The following BRIP1 variants were observed in gnomAD, a reference collection of about 807,000 sequenced individuals.
BRIP1 encodes Fanconi anemia group J protein.
BRIP1 carries 88 observed loss-of-function variants against 119.7 expected under a neutral mutation model. The ratio of observed to expected loss-of-function variants is 0.74; its 90% CI spans 0.62 to 0.88. The LOEUF (loss-of-function observed/expected upper bound fraction) is 0.88, where lower values mean the gene tolerates loss of function less well. Ranked by LOEUF, BRIP1 falls within the 40% of genes least tolerant of loss-of-function variation. The probability of loss-of-function intolerance (pLI) is 0.00; values close to 1 mark genes in which losing one functional copy is unlikely to be tolerated. For missense variants in BRIP1, 1,259 were observed against 1,455.4 expected, an observed-to-expected ratio of 0.87 and a Z score of 2.20; for synonymous variants, 443 against 496.5, an observed-to-expected ratio of 0.89 and a Z score of 1.43.
chr17:61,766,151 T>C (rs1018428523), intron 14 of BRIP1, among the ~76,000 whole-genome samples: 27 of 152,316 alleles, frequency 1.8e-4, no homozygotes, highest in African/African-American at 6.5e-4. Context: ...ATTACGAGGA[T>C]AGCATTGAAC....
Position 61,685,984 on chromosome 17 carries a change from T to TG in BRIP1, c.2756dup (p.Pro920ThrfsTer19), listed in dbSNP as rs1603276728. 1 of 1,614,054 alleles carries TG rather than the reference T, an allele frequency of 6.2e-7. No homozygotes were observed. The highest frequency in any genetic ancestry group is 8.5e-7 in the Non-Finnish European group (1 of 1,179,950). The stretch of plus-strand genomic sequence containing the variant: ...GACTTGCTGCTTCCAGTAAATAAGG[T>TG]GAGGTACTGTACTTTAAAGAGGTCA... On this transcript the variant is annotated frameshift_variant, in exon 19 of 20. Transcript: ENST00000259008. LOFTEE classifies it high-confidence loss of function.
chr17:61,790,483 T>C (rs950551579), intron 10 of BRIP1, among the ~76,000 whole-genome samples: 1 of 151,776 alleles, frequency 6.6e-6, no homozygotes, highest in Non-Finnish European at 1.5e-5. Flanking sequence ...GAGGCAGAGG[T>C]TGCGGTGAGC....
intron 16 of BRIP1, among the ~76,000 whole-genome samples, chr17:61,737,025 C>A (rs529604531): frequency 1.2e-4 from 18 of 151,912 alleles, no homozygotes; most frequent in African/African-American, 4.3e-4. Context: ...AAGGGAGGAA[C>A]AGAGATTCAG....
rs2076958930 is a variant in BRIP1, at chr17:61,739,418, A to C, written c.2379+3595T>G. 5.4e-6 allele frequency: 1 copy of C among 185,306 alleles called. No homozygotes were observed. Among genetic ancestry groups the C allele is most frequent in the Non-Finnish European group, 1.1e-5 (1 of 87,420 alleles). The allele number at this position is 185,306 out of a possible 1,614,324, so 11.5% of individuals were successfully genotyped here. ...AGCAGTAGCACTGGTTAACTGGAGAAAGGTAGTAGAAACCACCAAAGTTAC... is the reference window on the plus strand; with the variant it reads ...AGCAGTAGCACTGGTTAACTGGAGACAGGTAGTAGAAACCACCAAAGTTAC... On this transcript the variant is annotated intron_variant, in intron 16 of 19. Coordinates refer to ENST00000259008, the MANE Select transcript of BRIP1 (RefSeq NM_032043.3). The surrounding 1 kb of genome is among the most constrained non-coding windows in gnomAD (Gnocchi z 6.0).
rs1313728572 is a variant in BRIP1, at chr17:61,708,197, T to C, written c.2492+7754A>G. On this transcript the variant is annotated intron_variant, in intron 17 of 19. Coordinates refer to ENST00000259008, the MANE Select transcript of BRIP1 (RefSeq NM_032043.3). This position sits in a 1 kb window ranked among gnomAD's most constrained non-coding sequence, Gnocchi z 4.4. The stretch of plus-strand genomic sequence containing the variant: ...TCCCCCACAGCCACAATCTTGCCTA[T>C]GGTCAAAGTTACTCACGGTCAAATG... 2.6e-5 allele frequency among the ~76,000 whole-genome samples: 4 copies of C among 152,210 alleles called. No individual in the cohort carries two copies. The highest frequency in any genetic ancestry group is 9.6e-5 in the African/African-American group (4 of 41,458).
At position 61,843,551 on chromosome 17, in the gene BRIP1, A is replaced by G. The variant is rs995621353; in HGVS notation, c.627+3550T>C. On this transcript the variant is annotated intron_variant, in intron 6 of 19. Coordinates refer to ENST00000259008, the MANE Select transcript of BRIP1 (RefSeq NM_032043.3). The surrounding 1 kb of genome is among the most constrained non-coding windows in gnomAD (Gnocchi z 5.7). ...CAATGGCTGGTGCCCTCCTCACAGTAATGAGTTGAGTTCTTGCTCTGAGGT... is the reference window on the plus strand; with the variant it reads ...CAATGGCTGGTGCCCTCCTCACAGTGATGAGTTGAGTTCTTGCTCTGAGGT... Among the ~76,000 whole-genome samples the G allele has an allele frequency of 1.1e-4, 16 of 152,024 alleles. No individual in the cohort carries two copies. The highest frequency in any genetic ancestry group is 1.6e-4 in the Non-Finnish European group (11 of 67,990).
rs956887689 is a variant in BRIP1, at chr17:61,794,439, G to C, written c.1341-710C>G. ...TCATATCCTTAGCAAACTAATGCAGGAACAGAAAATACTGCATGTTCTCAC... is the reference window on the plus strand; with the variant it reads ...TCATATCCTTAGCAAACTAATGCAGCAACAGAAAATACTGCATGTTCTCAC... On this transcript the variant is annotated intron_variant, in intron 9 of 19. Coordinates refer to ENST00000259008, the MANE Select transcript of BRIP1 (RefSeq NM_032043.3). The surrounding 1 kb of genome is among the most constrained non-coding windows in gnomAD (Gnocchi z 4.3). Among the ~76,000 whole-genome samples, 6 of 152,020 alleles carry C rather than the reference G, an allele frequency of 3.9e-5. No individual in the cohort carries two copies. Among genetic ancestry groups the C allele is most frequent in the Non-Finnish European group, 1.5e-5 (1 of 67,976 alleles).
At position 61,776,798 on chromosome 17, in the gene BRIP1, G is replaced by A. The variant is rs1324623364; in HGVS notation, c.1936-236C>T. Among the ~76,000 whole-genome samples the A allele has an allele frequency of 6.6e-6, 1 of 152,178 alleles. No individual in the cohort carries two copies. The highest frequency in any genetic ancestry group is 1.5e-5 in the Non-Finnish European group (1 of 68,026). ...TGAAAATTCTTTGAAAGCAAAACAG[G>A]TTGTACCTGTCTCTGTTTACTTAAT... is the stretch of plus-strand genomic sequence containing the variant. On this transcript the variant is annotated intron_variant, in intron 13 of 19. Coordinates refer to ENST00000259008, the MANE Select transcript of BRIP1 (RefSeq NM_032043.3). This position sits in a 1 kb window ranked among gnomAD's most constrained non-coding sequence, Gnocchi z 5.0.
rs1302307852 is a variant in BRIP1, at chr17:61,862,481, C to A, written c.-31+803G>T. ...AATGTACCTAACCCAGGATCTGATACAGATGAGGATCACTTTAATCCTCAC... is the reference window on the plus strand; with the variant it reads ...AATGTACCTAACCCAGGATCTGATAAAGATGAGGATCACTTTAATCCTCAC... On this transcript the variant is annotated intron_variant, in intron 1 of 19. Transcript: ENST00000259008. This position sits in a 1 kb window ranked among gnomAD's most constrained non-coding sequence, Gnocchi z 5.3. Among the ~76,000 whole-genome samples, 8 of 152,188 alleles carry A rather than the reference C, an allele frequency of 5.3e-5. No individual in the cohort carries two copies. Among genetic ancestry groups the A allele is most frequent in the African/African-American group, 1.9e-4 (8 of 41,448 alleles).
rs2061263633 is a variant in BRIP1 at position 61,681,083 on chromosome 17, A to G, written c.*2213T>C. Among the ~76,000 whole-genome samples the G allele has an allele frequency of 6.6e-6, 1 of 152,138 alleles. No individual in the cohort carries two copies. Among genetic ancestry groups the G allele is most frequent in the African/African-American group, 2.4e-5 (1 of 41,442 alleles). The stretch of plus-strand genomic sequence containing the variant: ...GCTCCTTATAAAATCATCAGGTCTC[A>G]TAAGAACTCAGTATCACGAGAACCG... On this transcript the variant is annotated 3_prime_UTR_variant, in exon 20 of 20. Coordinates refer to ENST00000259008, the MANE Select transcript of BRIP1 (RefSeq NM_032043.3). This position sits in a 1 kb window ranked among gnomAD's most constrained non-coding sequence, Gnocchi z 5.1.
At position 61,740,233 on chromosome 17, in the gene BRIP1, A is replaced by G. The variant is rs897190570; in HGVS notation, c.2379+2780T>C. Among the ~76,000 whole-genome samples, 9 of 152,150 alleles carry G rather than the reference A, an allele frequency of 5.9e-5. No homozygotes were observed. The highest frequency in any genetic ancestry group is 1.2e-4 in the Non-Finnish European group (8 of 68,036). ...AATCACAAGATCTGCAAGGCAGGAC[A>G]CTGGAAAGAAGCGAGCCAGATGGAC... On this transcript the variant is annotated intron_variant, in intron 16 of 19. Coordinates refer to ENST00000259008, the MANE Select transcript of BRIP1 (RefSeq NM_032043.3). This position sits in a 1 kb window ranked among gnomAD's most constrained non-coding sequence, Gnocchi z 5.4.
chr17:61,819,952 A>G (rs757173259), intron 6 of BRIP1, among the ~76,000 whole-genome samples: 32 of 152,132 alleles, frequency 2.1e-4, no homozygotes, highest in Middle Eastern at 6.8e-3. Flanking sequence ...TAATATGATT[A>G]TTACACATTG....
rs914665549 is a variant in BRIP1, at chr17:61,756,532, A to G, written c.2098-11941T>C. On this transcript the variant is annotated intron_variant, in intron 14 of 19. Transcript: ENST00000259008. The surrounding 1 kb of genome is among the most constrained non-coding windows in gnomAD (Gnocchi z 4.3). ...CTTCAATTTGTTAACCTCAGAGGCA[A>G]TTTTTTTTAAAGTCAGATCTCACAA... 1.3e-5 allele frequency among the ~76,000 whole-genome samples: 2 copies of G among 152,268 alleles called. No individual in the cohort carries two copies. Among genetic ancestry groups the G allele is most frequent in the African/African-American group, 4.8e-5 (2 of 41,472 alleles).
rs949617931 is a variant in BRIP1 at position 61,853,415 on chromosome 17, T to A, written c.379+3643A>T. On this transcript the variant is annotated intron_variant, in intron 4 of 19. Transcript: ENST00000259008. This position sits in a 1 kb window ranked among gnomAD's most constrained non-coding sequence, Gnocchi z 4.3. ...TTTTTTTTAATCTATGTAGTAGTTA[T>A]GACAGTGAAAATTCATCAAGTTATA... Among the ~76,000 whole-genome samples the A allele has an allele frequency of 1.3e-5, 2 of 152,008 alleles. No individual in the cohort carries two copies. Among genetic ancestry groups the A allele is most frequent in the African/African-American group, 4.8e-5 (2 of 41,386 alleles).
chr17:61,854,785 G>A (rs1307096441), intron 4 of BRIP1, among the ~76,000 whole-genome samples: 2 of 149,740 alleles, frequency 1.3e-5, no homozygotes, highest in South Asian at 2.1e-4. Context: ...TCACCCAAGA[G>A]AAATGAAAAC....
chr17:61,727,380 A>C (rs754898203), intron 16 of BRIP1, among the ~76,000 whole-genome samples: 4 of 152,230 alleles, frequency 2.6e-5, no homozygotes, highest in Admixed American at 6.5e-5. Flanking sequence ...GTACTGGAAA[A>C]TGCTGAAAAT....
Position 61,856,645 on chromosome 17 carries a change from C to A in BRIP1, c.379+413G>T, listed in dbSNP as rs2078899955. Among the ~76,000 whole-genome samples the A allele has an allele frequency of 6.6e-6, 1 of 152,054 alleles. No homozygotes were observed. The highest frequency in any genetic ancestry group is 6.6e-5 in the Admixed American group (1 of 15,266). On this transcript the variant is annotated intron_variant, in intron 4 of 19. Coordinates refer to ENST00000259008, the MANE Select transcript of BRIP1 (RefSeq NM_032043.3). The surrounding 1 kb of genome is among the most constrained non-coding windows in gnomAD (Gnocchi z 5.1). The stretch of plus-strand genomic sequence containing the variant: ...AGATCACACATAAACATACCTGATA[C>A]TTATGTAGGATACTGGCCTCAGAAG...
Position 61,735,765 on chromosome 17 carries a change from C to A in BRIP1, c.2379+7248G>T, listed in dbSNP as rs1446850786. Among the ~76,000 whole-genome samples, 1 of 152,000 alleles carries A rather than the reference C, an allele frequency of 6.6e-6. No homozygotes were observed. The highest frequency in any genetic ancestry group is 2.4e-5 in the African/African-American group (1 of 41,358). ...GCAGTGACCCATGACCGCACCACTG[C>A]ACTCTAGCCTGGGCAATGGAGTGAG... is the stretch of plus-strand genomic sequence containing the variant. On this transcript the variant is annotated intron_variant, in intron 16 of 19. Coordinates refer to ENST00000259008, the MANE Select transcript of BRIP1 (RefSeq NM_032043.3). This position sits in a 1 kb window ranked among gnomAD's most constrained non-coding sequence, Gnocchi z 4.4.
In BRIP1 at chr17:61,710,518, G is replaced by A. The variant is rs1015882317; in HGVS notation, c.2492+5433C>T. 1.3e-5 allele frequency among the ~76,000 whole-genome samples: 2 copies of A among 152,182 alleles called. No homozygotes were observed. The highest frequency in any genetic ancestry group is 4.8e-5 in the African/African-American group (2 of 41,454). ...TTTTAAAGGTCCTCATAAAGGACAT[G>A]ACTTTCAATGAGGTTTTGATTGCTA... On this transcript the variant is annotated intron_variant, in intron 17 of 19. Coordinates refer to ENST00000259008, the MANE Select transcript of BRIP1 (RefSeq NM_032043.3). This position sits in a 1 kb window ranked among gnomAD's most constrained non-coding sequence, Gnocchi z 5.4.
Sources: allele counts gnomAD v4.1 joint callset (sites outside exome capture counted in the v4.1 genomes callset), GRCh38; gene constraint gnomAD v4.1.1; non-coding constraint Gnocchi (gnomAD v3.1); transcripts MANE v1.5; gene names NCBI Gene and HGNC (gene_info 2026-07-23, HGNC 2026-07-21).